PIEZO2: variants seen among roughly 807,000 people sequenced by gnomAD.
PIEZO2 encodes the protein piezo-type mechanosensitive ion channel component 2.
In PIEZO2, 172 loss-of-function variants were observed where a neutral mutation model predicts 337.3. The observed-to-expected ratio is 0.51, with a 90% CI of 0.45 to 0.58. The LOEUF (loss-of-function observed/expected upper bound fraction) is 0.58, where lower values mean the gene tolerates loss of function less well. Among genes scored for constraint, PIEZO2 ranks in the 20% least tolerant of loss-of-function variants. The pLI is 0.00. For synonymous variants in PIEZO2, 1,251 were observed against 1,228.5 expected (o/e 1.02, Z -0.38); for missense variants, 3,028 against 3,391.3 (o/e 0.89, Z 2.66).
rs146164566 is a variant in PIEZO2, at chr18:10,797,760, C to T, written c.1379-238G>A. Among the ~76,000 whole-genome samples, 24 of 152,264 alleles carry T rather than the reference C, an allele frequency of 1.6e-4. No homozygotes were observed. The East Asian group carries it at 3.7e-3, about 23-fold the overall frequency. ...AGGAAAATTTCCATGTAAGAAGATA[C>T]GGAATGAAGCCTCTAAACCTGTCAT... On this transcript the variant is annotated intron_variant, in intron 11 of 55. Transcript: ENST00000674853.
At chr18:11,064,095 T>A (rs1266907711) in intron 2 of PIEZO2, among the ~76,000 whole-genome samples, 1 of 152,226 alleles carries the variant, frequency 6.6e-6, no homozygotes, top group East Asian at 1.9e-4. Flanking sequence ...AAATTTGTGT[T>A]GGGCCACACT....
chr18:10,979,930 A>G lies in PIEZO2; in HGVS notation c.161-270T>C, dbSNP rs1032429396. Among the ~76,000 whole-genome samples the G allele has an allele frequency of 4.6e-5, 7 of 152,212 alleles. No homozygotes were observed. Among genetic ancestry groups the G allele is most frequent in the African/African-American group, 1.4e-4 (6 of 41,460 alleles). On this transcript the variant is annotated intron_variant, in intron 2 of 55. Coordinates refer to ENST00000674853, the MANE Select transcript of PIEZO2 (RefSeq NM_001378183.1). This position sits in a 1 kb window ranked among gnomAD's most constrained non-coding sequence, Gnocchi z 4.0. ...ATATGACACATTACAGTGGAACTACAAAAAGGTCCTGGACCAAAACATTTT... is the reference window on the plus strand; with the variant it reads ...ATATGACACATTACAGTGGAACTACGAAAAGGTCCTGGACCAAAACATTTT...
chr18:11,000,582 A>G (rs774868901), intron 2 of PIEZO2, among the ~76,000 whole-genome samples: 2 of 152,170 alleles, frequency 1.3e-5, no homozygotes, highest in Non-Finnish European at 2.9e-5. Flanking sequence ...ATGCATCTTC[A>G]TGAGCAGGGC....
At chr18:10,873,548 A>G (rs1335905054) in intron 4 of PIEZO2, among the ~76,000 whole-genome samples, 2 of 152,178 alleles carry the variant, frequency 1.3e-5, no homozygotes, top group East Asian at 3.8e-4. Flanking sequence ...TGATTTGTTC[A>G]TTTAACATGT....
intron 3 of PIEZO2, among the ~76,000 whole-genome samples, chr18:10,915,676 C>T (rs2030880124): frequency 1.3e-5 from 2 of 152,134 alleles, no homozygotes; most frequent in Admixed American, 6.5e-5. Flanking sequence ...ACTATTACTA[C>T]ATCCCCTTTT....
chr18:10,694,005 A>T (rs1289462861), intron 47 of PIEZO2, among the ~76,000 whole-genome samples: 1 of 152,184 alleles, frequency 6.6e-6, no homozygotes, highest in Non-Finnish European at 1.5e-5. Flanking sequence ...CCTGGGCTAT[A>T]TTTAATCTCC....
At chr18:10,960,982 T>C (rs2033749946) in intron 3 of PIEZO2, among the ~76,000 whole-genome samples, 1 of 151,966 alleles carries the variant, frequency 6.6e-6, no homozygotes, top group African/African-American at 2.4e-5. Context: ...ATCGAGACCA[T>C]CCTGGCTAAC....
rs2038575726 is a variant in PIEZO2 at position 11,077,131 on chromosome 18, GC to G, written c.65-10910del. Among the ~76,000 whole-genome samples, 1 of 152,130 alleles carries G rather than the reference GC, an allele frequency of 6.6e-6. No homozygotes were observed. On this transcript the variant is annotated intron_variant, in intron 1 of 55. Transcript: ENST00000674853. The surrounding 1 kb of genome is among the most constrained non-coding windows in gnomAD (Gnocchi z 4.8). ...ACCTATTTCATTATGAATATAAAGA[GC>G]CCTTCACTGAAATCCACAGTTCCTA... is the stretch of plus-strand genomic sequence containing the variant.
Position 10,746,153 on chromosome 18 carries a change from A to G in PIEZO2, c.4425-1922T>C, listed in dbSNP as rs1441511287. On this transcript the variant is annotated intron_variant, in intron 30 of 55. Transcript: ENST00000674853. The surrounding 1 kb of genome is among the most constrained non-coding windows in gnomAD (Gnocchi z 4.2). ...TCTGCCTACAGCGCTGCCTATACCC[A>G]TCTATTCTCCATACCACAAACAGAG... Among the ~76,000 whole-genome samples, 1 of 152,160 alleles carries G rather than the reference A, an allele frequency of 6.6e-6. No individual in the cohort carries two copies. Among genetic ancestry groups the G allele is most frequent in the Admixed American group, 6.5e-5 (1 of 15,276 alleles).
chr18:10,827,739 A>C (rs554597048), intron 7 of PIEZO2, among the ~76,000 whole-genome samples: 1 of 152,316 alleles, frequency 6.6e-6, no homozygotes, highest in South Asian at 2.1e-4. Flanking sequence ...TTACAGATGA[A>C]GGCAACTACA....
intron 1 of PIEZO2, among the ~76,000 whole-genome samples, chr18:11,084,278 T>C (rs948589331): frequency 1.3e-5 from 2 of 151,870 alleles, no homozygotes; most frequent in Admixed American, 6.6e-5. Flanking sequence ...GTTTTCTTTA[T>C]CATCCTTTGT....
rs36081769 is a variant in PIEZO2, at chr18:10,797,310, G to A, written c.1527+64C>T. On this transcript the variant is annotated intron_variant, in intron 12 of 55. Coordinates refer to ENST00000674853, the MANE Select transcript of PIEZO2 (RefSeq NM_001378183.1). ...ACCATCATATTATACATACCGTCAT[G>A]GCACACATACCATCATATCATATTA... The A allele has an allele frequency of 0.14, 172,527 of 1,257,194 alleles. 29,834 individuals carry two copies. Among genetic ancestry groups the A allele is most frequent in the Middle Eastern group, 0.23 (1,030 of 4,520 alleles). The allele number at this position is 1,257,194 out of a possible 1,614,324, so 77.9% of individuals were successfully genotyped here.
chr18:10,941,958 G>C (rs570439415), intron 3 of PIEZO2, among the ~76,000 whole-genome samples: 37 of 152,182 alleles, frequency 2.4e-4, no homozygotes, highest in African/African-American at 8.9e-4. Flanking sequence ...ATAGTGAAGG[G>C]GTCTCACGAG....
intron 49 of PIEZO2, among the ~76,000 whole-genome samples, chr18:10,687,103 T>C (rs1348595401): frequency 2.0e-5 from 3 of 152,196 alleles, no homozygotes; most frequent in Non-Finnish European, 4.4e-5. Context: ...ATTGAATTTA[T>C]TTGTGTCACC....
In PIEZO2 at chr18:10,840,628, CA is replaced by C. The variant is rs200148573; in HGVS notation, c.917+14724del. On this transcript the variant is annotated intron_variant, in intron 7 of 55. Transcript: ENST00000674853. ...AAATATCCAAAATATCCACTTTTGA[CA>C]ATAAAAAAAAAAGATTTCAGTCCAC... is the stretch of plus-strand genomic sequence containing the variant. Among the ~76,000 whole-genome samples, 760 of 149,414 alleles carry C rather than the reference CA, an allele frequency of 5.1e-3. 5 individuals are homozygous for C. The highest frequency in any genetic ancestry group is 0.023 in the East Asian group (121 of 5,160).
At chr18:10,970,452 C>T (rs1453112939) in intron 3 of PIEZO2, among the ~76,000 whole-genome samples, 1 of 152,204 alleles carries the variant, frequency 6.6e-6, no homozygotes, top group Admixed American at 6.5e-5. Flanking sequence ...ACCCTGGATG[C>T]TATCACTACA....
intron 7 of PIEZO2, among the ~76,000 whole-genome samples, chr18:10,840,379 G>A (rs2041154006): frequency 6.6e-6 from 1 of 151,706 alleles, no homozygotes; most frequent in Non-Finnish European, 1.5e-5. Context: ...GTAAAATATT[G>A]AATTGGTGGT....
Position 11,126,913 on chromosome 18 carries a change from A to G in PIEZO2, c.64+21612T>C, listed in dbSNP as rs1391273984. Among the ~76,000 whole-genome samples, 1 of 152,086 alleles carries G rather than the reference A, an allele frequency of 6.6e-6. No individual in the cohort carries two copies. The highest frequency in any genetic ancestry group is 1.5e-5 in the Non-Finnish European group (1 of 68,014). On this transcript the variant is annotated intron_variant, in intron 1 of 55. Transcript: ENST00000674853. The surrounding 1 kb of genome is among the most constrained non-coding windows in gnomAD (Gnocchi z 4.6). ...GAATGAACACACTGGTGTCATTTCC[A>G]TTGCTGTTGTGTGAACATTTAAGGC...
chr18:10,873,986 A>G (rs1320880577), intron 4 of PIEZO2, among the ~76,000 whole-genome samples: 1 of 152,200 alleles, frequency 6.6e-6, no homozygotes, highest in Admixed American at 6.5e-5. Flanking sequence ...TATCAAGCTA[A>G]AGAGTTTCTG....
Sources: gnomAD v4.1 joint callset for allele counts (sites outside exome capture counted in the v4.1 genomes callset) on GRCh38, gnomAD v4.1.1 for gene constraint, Gnocchi (gnomAD v3.1) non-coding constraint, MANE v1.5 for transcripts, NCBI Gene and HGNC (gene_info 2026-07-23, HGNC 2026-07-21) for gene names.